Variants in GRIN1 observed in about 807,000 individuals in gnomAD.
GRIN1 encodes glutamate ionotropic receptor NMDA type subunit 1.
In GRIN1, 38 loss-of-function variants were observed where a neutral mutation model predicts 103.0. That is an observed-to-expected ratio of 0.37 (90% CI 0.28 to 0.48). The LOEUF is 0.48. Ranked by LOEUF, GRIN1 falls within the 20% of genes least tolerant of loss-of-function variation. The probability of loss-of-function intolerance (pLI) is 0.98; values close to 1 mark genes in which losing one functional copy is unlikely to be tolerated. For synonymous variants in GRIN1, 544 were observed against 532.7 expected (o/e 1.02, Z -0.29); for missense variants, 577 against 1,288.9 (o/e 0.45, Z 8.46).
intron 17 of GRIN1, 24 bp from the exon 18 acceptor site, chr9:137,163,735 G>A (rs1833697185): frequency 6.2e-7 from 1 of 1,613,632 alleles, no homozygotes; most frequent in Admixed American, 1.7e-5. Flanking sequence ...GCCAGCAACT[G>A]AGGCTCTGGG....
intron 4 of GRIN1, among the ~76,000 whole-genome samples, chr9:137,154,643 G>C (rs1833115191): frequency 6.6e-6 from 1 of 151,298 alleles, no homozygotes; most frequent in Non-Finnish European, 1.5e-5. Flanking sequence ...GTAGAGACGG[G>C]GTTTCTCCAT....
At chr9:137,163,459 C>T (rs1833676728) in intron 16 of GRIN1, 100 bp from the exon 17 acceptor site, 2 of 1,410,102 alleles carry the variant, frequency 1.4e-6, no homozygotes, top group Non-Finnish European at 2.0e-6. Context: ...CACTCCACGC[C>T]GCACCCTACC....
In GRIN1 at chr9:137,163,874, C is replaced by T. The variant is rs1342259431; in HGVS notation, c.2559C>T (p.Ala853=). The change falls in exon 18 of 20, where the codon GCC becomes GCT. Residue 853 remains alanine, a synonymous_variant. Transcript: ENST00000371561. ...ARRKQMQLAF[A]AVNVWRKNLQ... The stretch of plus-strand genomic sequence containing the variant: ...GGAAGCAGATGCAGCTGGCCTTTGC[C>T]GCCGTTAACGTGTGGCGGAAGAACC... The T allele has an allele frequency of 2.5e-6, 4 of 1,612,974 alleles. No homozygotes were observed. Among genetic ancestry groups the T allele is most frequent in the Admixed American group, 3.3e-5 (2 of 60,036 alleles).
chr9:137,147,950 C>T (rs1054995508), intron 3 of GRIN1, among the ~76,000 whole-genome samples: 9 of 152,152 alleles, frequency 5.9e-5, no homozygotes, highest in Non-Finnish European at 1.2e-4. Flanking sequence ...GGAGCCTCCA[C>T]GGCCCCGCCC....
At chr9:137,165,854 C>A (rs1833849882) in intron 19 of GRIN1, among the ~76,000 whole-genome samples, 1 of 152,250 alleles carries the variant, frequency 6.6e-6, no homozygotes, top group Non-Finnish European at 1.5e-5. Context: ...TCACCAGAGC[C>A]ATGCGTGTTG....
rs587780348 is a variant in GRIN1, at chr9:137,161,289, C to A, written c.1340C>A (p.Pro447His). Residue 447 changes from proline to histidine, a missense_variant and splice_region_variant, in exon 10 of 20, where the codon CCC (proline) becomes CAC (histidine). Coordinates refer to ENST00000371561, the MANE Select transcript of GRIN1 (RefSeq NM_007327.4). Reference protein sequence around the residue: ...TGPNDTSPGSPRHTVPQCCYG... With the variant: ...TGPNDTSPGSHRHTVPQCCYG... Reference sequence around the variant, plus strand: ...GCAGTTACCGCCCGCACCTACCCAGCCCGCCACACGGTGCCTCAGTGTTGC... The same window carrying A: ...GCAGTTACCGCCCGCACCTACCCAGACCGCCACACGGTGCCTCAGTGTTGC... The A allele has an allele frequency of 3.7e-5, 59 of 1,612,232 alleles. No individual in the cohort carries two copies. The Admixed American group carries it at 4.2e-4, about 11-fold the overall frequency.
At chr9:137,161,862 G>T (rs1833570697) in intron 10 of GRIN1, 62 bp from the exon 11 acceptor site, 11 of 1,523,682 alleles carry the variant, frequency 7.2e-6, no homozygotes, top group South Asian at 7.2e-5. Flanking sequence ...TCAGTCGGGG[G>T]TACCTGTGGC....
chr9:137,155,527 C>T (rs1833165394), intron 4 of GRIN1, among the ~76,000 whole-genome samples: 2 of 152,230 alleles, frequency 1.3e-5, no homozygotes, highest in Non-Finnish European at 2.9e-5. Context: ...CCTTGGTTTC[C>T]AGTCAAGTAT....
chr9:137,165,089 T>G (rs1466478978), intron 18 of GRIN1, 97 bp from the exon 19 acceptor site: 3 of 890,052 alleles, frequency 3.4e-6, no homozygotes, highest in Non-Finnish European at 5.7e-6. Flanking sequence ...AGGGCCCAAG[T>G]GGCCGGCCAG....
Position 137,163,945 on chromosome 9 carries a change from G to A in GRIN1, c.2589+41G>A, listed in dbSNP as rs201737785. 64 of 1,607,492 alleles carry A rather than the reference G, an allele frequency of 4.0e-5. No homozygotes were observed. In the East Asian group the frequency reaches 1.3e-3, roughly 33 times the overall value. On this transcript the variant is annotated intron_variant, in intron 18 of 19. Coordinates refer to ENST00000371561, the MANE Select transcript of GRIN1 (RefSeq NM_007327.4). The stretch of plus-strand genomic sequence containing the variant: ...CTCCGAGGCCTGGTGCCCAGGGCCC[G>A]GCCTGGCCACGGCCCTCCTCCATCC...
intron 4 of GRIN1, among the ~76,000 whole-genome samples, chr9:137,155,614 G>A (rs541688860): frequency 1.3e-5 from 2 of 152,208 alleles, no homozygotes; most frequent in South Asian, 4.1e-4. Context: ...GTCAGGGGTA[G>A]TCCAGGCCCA....
rs1832693888 is a variant in GRIN1, at chr9:137,148,947, C to T, written c.571-62C>T. 5.7e-6 allele frequency: 7 copies of T among 1,235,440 alleles called. No individual in the cohort carries two copies. In the East Asian group the frequency reaches 1.5e-4, roughly 26 times the overall value. 76.5% of individuals were successfully genotyped at this position (1,235,440 alleles called of 1,614,324 possible). A position where few individuals can be genotyped will look rare whatever the true frequency, so the allele number is the denominator to read the frequency against. ...TTCCCAGCGGCTCCGGCCCAACTCT[C>T]ACCCCTGAGGCGCTATGTCCCCTGC... is the stretch of plus-strand genomic sequence containing the variant. On this transcript the variant is annotated intron_variant, in intron 3 of 19. Coordinates refer to ENST00000371561, the MANE Select transcript of GRIN1 (RefSeq NM_007327.4).
intron 2 of GRIN1, among the ~76,000 whole-genome samples, chr9:137,143,775 A>T (rs1223171253): frequency 1.3e-5 from 2 of 152,202 alleles, no homozygotes; most frequent in Non-Finnish European, 2.9e-5. Context: ...GGCCACAAAG[A>T]GGGAGCAGGT....
intron 18 of GRIN1, 191 bp downstream of exon 18, chr9:137,164,095 G>T: frequency 1.4e-6 from 1 of 706,224 alleles, no homozygotes. Context: ...CCTGCAGGTG[G>T]CTGCCCACTG....
Position 137,162,093 on chromosome 9 carries a change from G to T in GRIN1, c.1632+5G>T. The T allele has an allele frequency of 6.7e-7, 1 of 1,487,200 alleles. No individual in the cohort carries two copies. Among genetic ancestry groups the T allele is most frequent in the Non-Finnish European group, 9.2e-7 (1 of 1,091,858 alleles). 92.1% of individuals were successfully genotyped at this position (1,487,200 alleles called of 1,614,324 possible). ...CTGACTATTCTGGTCAAGAAGGTGG[G>T]CAGGGGCCGGGTGGCGGGGTGGCGG... is the stretch of plus-strand genomic sequence containing the variant. On this transcript the variant is annotated splice_donor_5th_base_variant and intron_variant, in intron 11 of 19. Transcript: ENST00000371561.
chr9:137,159,476 G>A (rs556613744), intron 8 of GRIN1, among the ~76,000 whole-genome samples: 27 of 152,136 alleles, frequency 1.8e-4, no homozygotes, highest in South Asian at 2.1e-4. Flanking sequence ...GCTCTGCACC[G>A]GCCCCTGTGG....
chr9:137,154,472 A>T (rs1588712994), intron 4 of GRIN1, among the ~76,000 whole-genome samples: 1 of 51,414 alleles, frequency 1.9e-5, no homozygotes, highest in African/African-American at 8.6e-5. Context: ...TTTTTTTTTT[A>T]AGATGGAGTC....
At position 137,167,819 on chromosome 9, in the gene GRIN1, C is replaced by A; in HGVS notation, c.*292C>A. 6.2e-7 allele frequency: 1 copy of A among 1,612,264 alleles called. No individual in the cohort carries two copies. Among genetic ancestry groups the A allele is most frequent in the African/African-American group, 1.3e-5 (1 of 75,044 alleles). On this transcript the variant is annotated 3_prime_UTR_variant, in exon 20 of 20. Transcript: ENST00000371561. Reference sequence around the variant, plus strand: ...CACGGGCCCGCTCAACCTCTCAGATCCCTCGGTCAGCACCGTGGTGTGAGG... The same window carrying A: ...CACGGGCCCGCTCAACCTCTCAGATACCTCGGTCAGCACCGTGGTGTGAGG...
intron 4 of GRIN1, among the ~76,000 whole-genome samples, chr9:137,155,668 G>A (rs1833176368): frequency 6.6e-6 from 1 of 152,200 alleles, no homozygotes; most frequent in African/African-American, 2.4e-5. Flanking sequence ...CTGACAGACG[G>A]GGGTGAGGGA....
Sources: gnomAD v4.1 joint callset for allele counts (sites outside exome capture counted in the v4.1 genomes callset) on GRCh38, gnomAD v4.1.1 for gene constraint, MANE v1.5 for transcripts, NCBI Gene and HGNC (gene_info 2026-07-23, HGNC 2026-07-21) for gene names.